QTMAN: variants seen among roughly 807,000 people sequenced by gnomAD.
QTMAN encodes queuosine-tRNA mannosyltransferase.
the QTMAN span, chr2:144,210,864 T>C: frequency 6.6e-6 from 1 of 152,204 alleles, no homozygotes; most frequent in Non-Finnish European, 1.5e-5. Context: ...TTATTTCCTC[T>C]GACTTACTCA....
the QTMAN span, among the ~76,000 whole-genome samples, chr2:144,074,038 G>C: frequency 6.6e-6 from 1 of 152,144 alleles, no homozygotes. Flanking sequence ...TCACTCTTGA[G>C]TATACCAAAT....
the QTMAN span, among the ~76,000 whole-genome samples, chr2:144,109,383 C>A: frequency 2.6e-5 from 4 of 152,124 alleles, no homozygotes; most frequent in African/African-American, 9.7e-5. Flanking sequence ...ATACCTTACA[C>A]AAAAATTAAT....
At chr2:143,948,495 G>T in the QTMAN span, among the ~76,000 whole-genome samples, 1 of 152,058 alleles carries the variant, frequency 6.6e-6, no homozygotes, top group Non-Finnish European at 1.5e-5. Flanking sequence ...ATGAAAAATA[G>T]GATGGGAATG....
chr2:144,312,328 G>C, the QTMAN span, among the ~76,000 whole-genome samples: 1 of 151,798 alleles, frequency 6.6e-6, no homozygotes, highest in Non-Finnish European at 1.5e-5. Flanking sequence ...ACTACACCCA[G>C]CTGGGAAATA....
At chr2:143,975,774 A>T in the QTMAN span, among the ~76,000 whole-genome samples, 1 of 152,190 alleles carries the variant, frequency 6.6e-6, no homozygotes, top group African/African-American at 2.4e-5. Flanking sequence ...GGGTTGCCAC[A>T]TGGAGGAGAG....
the QTMAN span, among the ~76,000 whole-genome samples, chr2:144,139,280 G>A: frequency 6.6e-6 from 1 of 151,958 alleles, no homozygotes. Flanking sequence ...AGAGGCAGAG[G>A]GAAGATAGTC....
the QTMAN span, among the ~76,000 whole-genome samples, chr2:144,121,351 C>T: frequency 1.3e-5 from 2 of 152,130 alleles, no homozygotes; most frequent in East Asian, 3.8e-4. Context: ...AGACAAAGGG[C>T]CTTGATCCCC....
the QTMAN span, among the ~76,000 whole-genome samples, chr2:144,226,591 G>A: frequency 6.6e-6 from 1 of 152,084 alleles, no homozygotes; most frequent in Non-Finnish European, 1.5e-5. Context: ...ACTATAAACT[G>A]CTCAGATAGA....
chr2:144,151,856 G>C, the QTMAN span, among the ~76,000 whole-genome samples: 1 of 152,104 alleles, frequency 6.6e-6, no homozygotes, highest in Non-Finnish European at 1.5e-5. Context: ...TGCTTTAGTT[G>C]TCAGCTACTT....
the QTMAN span, among the ~76,000 whole-genome samples, chr2:144,290,144 C>T: frequency 2.9e-4 from 44 of 151,796 alleles, no homozygotes; most frequent in African/African-American, 1.0e-3. Flanking sequence ...TAAATTTTCT[C>T]CAATTCAGCA....
chr2:144,188,163 T>A, the QTMAN span, among the ~76,000 whole-genome samples: 1 of 152,114 alleles, frequency 6.6e-6, no homozygotes, highest in Non-Finnish European at 1.5e-5. Context: ...CTTAGGAAAC[T>A]AATACAGATG....
chr2:143,967,666 C>T, the QTMAN span, among the ~76,000 whole-genome samples: 26 of 152,164 alleles, frequency 1.7e-4, no homozygotes, highest in African/African-American at 5.8e-4. Flanking sequence ...AGACATCAGA[C>T]AAAGAAATGC....
chr2:144,257,613 G>C, the QTMAN span, among the ~76,000 whole-genome samples: 2 of 152,108 alleles, frequency 1.3e-5, no homozygotes, highest in Non-Finnish European at 2.9e-5. Context: ...GAAATATCTT[G>C]GGTGATGGAG....
chr2:144,005,266 TTTGA>T, the QTMAN span, among the ~76,000 whole-genome samples: 2 of 152,130 alleles, frequency 1.3e-5, no homozygotes, highest in Non-Finnish European at 2.9e-5. Context: ...TTCTTACTCT[TTTGA>T]TTATGAAAGT....
the QTMAN span, among the ~76,000 whole-genome samples, chr2:144,068,214 G>A: frequency 1.3e-5 from 2 of 152,040 alleles, no homozygotes; most frequent in Admixed American, 6.5e-5. Flanking sequence ...TAAAGACTGC[G>A]GGTTTAAACC....
At chr2:143,987,268 C>T in the QTMAN span, among the ~76,000 whole-genome samples, 1 of 152,314 alleles carries the variant, frequency 6.6e-6, no homozygotes, top group African/African-American at 2.4e-5. Flanking sequence ...GTACACCAGA[C>T]TATTCATCTC....
At chr2:144,170,382 T>A in the QTMAN span, among the ~76,000 whole-genome samples, 2 of 152,156 alleles carry the variant, frequency 1.3e-5, no homozygotes, top group African/African-American at 2.4e-5. Context: ...GTAAGCAGCA[T>A]GAGCATCATT....
chr2:144,033,655 G>A, the QTMAN span, among the ~76,000 whole-genome samples: 1 of 152,114 alleles, frequency 6.6e-6, no homozygotes, highest in African/African-American at 2.4e-5. Flanking sequence ...TTATCATAAG[G>A]TCAGAGTGTG....
the QTMAN span, among the ~76,000 whole-genome samples, chr2:144,052,218 T>C: frequency 6.6e-6 from 1 of 152,260 alleles, no homozygotes; most frequent in South Asian, 2.1e-4. Context: ...ATATGGAAAC[T>C]TGGAAATGAT....
Sources: gnomAD v4.1 joint callset for allele counts (sites outside exome capture counted in the v4.1 genomes callset) on GRCh38, gnomAD v4.1.1 for gene constraint, MANE v1.5 for transcripts, NCBI Gene and HGNC (gene_info 2026-07-23, HGNC 2026-07-21) for gene names.